The following VPS13B variants were observed in gnomAD, a reference collection of about 807,000 sequenced individuals.
VPS13B encodes intermembrane lipid transfer protein VPS13B.
A neutral mutation model predicts 426.4 loss-of-function variants in VPS13B; 285 were observed. The ratio of observed to expected loss-of-function variants is 0.67; its 90% CI spans 0.61 to 0.74. The LOEUF (loss-of-function observed/expected upper bound fraction) is 0.74. VPS13B is among the 30% of genes least tolerant of loss of function. VPS13B has a pLI of 0.00. For missense variants in VPS13B, 4,537 were observed against 4,782.6 expected, an observed-to-expected ratio of 0.95 and a Z score of 1.51; for synonymous variants, 1,676 against 1,676.4, an observed-to-expected ratio of 1.00 and a Z score of 0.01.
chr8:99,165,641 G>T (rs1811959896), intron 15 of VPS13B, among the ~76,000 whole-genome samples: 1 of 152,138 alleles, frequency 6.6e-6, no homozygotes, highest in Admixed American at 6.5e-5. Context: ...AAATCCCAGG[G>T]GATTTGGAGG....
chr8:99,035,023 C>T (rs1324411716), intron 2 of VPS13B, among the ~76,000 whole-genome samples: 1 of 151,922 alleles, frequency 6.6e-6, no homozygotes, highest in African/African-American at 2.4e-5. Flanking sequence ...TAGTGAGACT[C>T]ATCTGTGCCA....
chr8:99,612,544 A>G (rs971348683), intron 33 of VPS13B, among the ~76,000 whole-genome samples: 14 of 152,162 alleles, frequency 9.2e-5, no homozygotes, highest in African/African-American at 3.4e-4. Context: ...ATTTAGGGTC[A>G]TTTCAGTCCT....
intron 55 of VPS13B, among the ~76,000 whole-genome samples, chr8:99,851,106 G>A (rs1003288797): frequency 6.6e-5 from 10 of 152,120 alleles, no homozygotes; most frequent in African/African-American, 2.4e-4. Flanking sequence ...AATTGAAGAC[G>A]AACTTTTAAC....
intron 39 of VPS13B, among the ~76,000 whole-genome samples, chr8:99,734,168 C>G (rs1056109567): frequency 6.6e-6 from 1 of 152,180 alleles, no homozygotes; most frequent in African/African-American, 2.4e-5. Context: ...GTTATTTTCA[C>G]AGTTCATCCA....
At chr8:99,295,895 T>C (rs1454358923) in intron 19 of VPS13B, among the ~76,000 whole-genome samples, 1 of 152,082 alleles carries the variant, frequency 6.6e-6, no homozygotes, top group Admixed American at 6.6e-5. Flanking sequence ...TAGCTGGGCA[T>C]GGTAGCATGC....
chr8:99,517,017 G>A (rs10955213), intron 29 of VPS13B, among the ~76,000 whole-genome samples: 43,271 of 151,814 alleles, frequency 0.29, 7,214 homozygotes, highest in East Asian at 0.45. Context: ...TTGATTATAT[G>A]TTTATTGAAA....
At chr8:99,474,368 T>G (rs2133534211) in intron 24 of VPS13B, among the ~76,000 whole-genome samples, 1 of 151,810 alleles carries the variant, frequency 6.6e-6, no homozygotes, top group South Asian at 2.1e-4. Context: ...TTTGTATTTT[T>G]GTAGAGACAG....
intron 33 of VPS13B, among the ~76,000 whole-genome samples, chr8:99,586,400 T>G (rs1826301527): frequency 6.6e-6 from 1 of 152,098 alleles, no homozygotes; most frequent in African/African-American, 2.4e-5. Context: ...TGCACTTAAC[T>G]CACTGTCCAG....
At chr8:99,411,632 T>C (rs1815669316) in intron 21 of VPS13B, among the ~76,000 whole-genome samples, 2 of 152,232 alleles carry the variant, frequency 1.3e-5, no homozygotes, top group African/African-American at 2.4e-5. Context: ...TATGAAGTCT[T>C]TGCCCATGCC....
chr8:99,746,095 A>G (rs1197684757), intron 39 of VPS13B, among the ~76,000 whole-genome samples: 3 of 152,046 alleles, frequency 2.0e-5, no homozygotes, highest in East Asian at 3.9e-4. Flanking sequence ...TTTGGCCTGT[A>G]AATTTTCCCA....
At chr8:99,045,594 T>C (rs1422265061) in intron 3 of VPS13B, among the ~76,000 whole-genome samples, 1 of 152,216 alleles carries the variant, frequency 6.6e-6, no homozygotes, top group African/African-American at 2.4e-5. Context: ...CATTTGCTTT[T>C]GGGGTCTTGG....
At chr8:99,670,664 C>A (rs1319463509) in intron 35 of VPS13B, among the ~76,000 whole-genome samples, 1 of 152,078 alleles carries the variant, frequency 6.6e-6, no homozygotes, top group African/African-American at 2.4e-5. Flanking sequence ...CCCCTGGCAA[C>A]AAACATTCTA....
chr8:99,397,554 A>G (rs1390604896), intron 21 of VPS13B, among the ~76,000 whole-genome samples: 1 of 152,174 alleles, frequency 6.6e-6, no homozygotes, highest in Non-Finnish European at 1.5e-5. Context: ...TTTGGCTGAA[A>G]ATATCAGACT....
chr8:99,138,413 C>T (rs1172667865), intron 12 of VPS13B, among the ~76,000 whole-genome samples: 1 of 152,230 alleles, frequency 6.6e-6, no homozygotes, highest in African/African-American at 2.4e-5. Flanking sequence ...AGGCGTGAGC[C>T]ACCGCACTCA....
chr8:99,165,726 AT>A (rs1016066860), intron 15 of VPS13B, among the ~76,000 whole-genome samples: 1 of 152,192 alleles, frequency 6.6e-6, no homozygotes, highest in African/African-American at 2.4e-5. Context: ...CATGTAATAC[AT>A]TTGAAAGCAC....
chr8:99,022,072 T>C lies in VPS13B; in HGVS notation c.147+8137T>C, dbSNP rs187293169. Reference sequence around the variant, plus strand: ...AATATTTTCAAAGAACTAATTTTTCTTTTTGTTGATTCTTTTTTGAATTGT... The same window carrying C: ...AATATTTTCAAAGAACTAATTTTTCCTTTTGTTGATTCTTTTTTGAATTGT... On this transcript the variant is annotated intron_variant, in intron 2 of 61. Coordinates refer to ENST00000357162, the MANE Select transcript of VPS13B (RefSeq NM_152564.5). 3.6e-3 allele frequency among the ~76,000 whole-genome samples: 542 copies of C among 152,176 alleles called. 2 individuals carry two copies. Among genetic ancestry groups the C allele is most frequent in the Non-Finnish European group, 6.1e-3 (415 of 67,984 alleles).
intron 17 of VPS13B, among the ~76,000 whole-genome samples, chr8:99,212,172 C>T (rs1815128992): frequency 6.6e-6 from 1 of 152,234 alleles, no homozygotes; most frequent in Non-Finnish European, 1.5e-5. Flanking sequence ...AGGTTACAGG[C>T]ATGAGCCACC....
intron 13 of VPS13B, among the ~76,000 whole-genome samples, chr8:99,143,582 T>C (rs1368853138): frequency 6.6e-6 from 1 of 152,168 alleles, no homozygotes; most frequent in Non-Finnish European, 1.5e-5. Flanking sequence ...TTTTTCTACA[T>C]GGTAGATAGC....
chr8:99,423,270 T>A (rs1468832075), intron 21 of VPS13B, among the ~76,000 whole-genome samples: 1 of 152,118 alleles, frequency 6.6e-6, no homozygotes, highest in Admixed American at 6.6e-5. Context: ...TGAATTTTTT[T>A]TTTTTTGAAA....
Sources: gnomAD v4.1 joint callset for allele counts (sites outside exome capture counted in the v4.1 genomes callset) on GRCh38, gnomAD v4.1.1 for gene constraint, MANE v1.5 for transcripts, NCBI Gene and HGNC (gene_info 2026-07-23, HGNC 2026-07-21) for gene names.